RPS6KC1: variants seen among roughly 807,000 people sequenced by gnomAD.
The protein encoded by RPS6KC1 is ribosomal protein S6 kinase C1.
Under a neutral mutation model 103.8 loss-of-function variants are expected in RPS6KC1, and 54 were observed. That is an observed-to-expected ratio of 0.52 (90% confidence interval 0.42 to 0.65). The LOEUF is 0.65. Among genes scored for constraint, RPS6KC1 ranks in the 30% least tolerant of loss-of-function variants. The pLI is 0.00. For synonymous variants in RPS6KC1, 439 were observed against 438.7 expected, an observed-to-expected ratio of 1.00 and a Z score of -0.01; for missense variants, 1,151 against 1,253.8, an observed-to-expected ratio of 0.92 and a Z score of 1.24.
the RPS6KC1 span, among the ~76,000 whole-genome samples, chr1:213,403,660 G>T: frequency 5.4e-3 from 827 of 152,236 alleles, 16 homozygotes; most frequent in African/African-American, 0.018. Flanking sequence ...ATGTTCACGT[G>T]CTCCTCCCGT....
the RPS6KC1 span, among the ~76,000 whole-genome samples, chr1:213,830,101 G>A: frequency 1.7e-4 from 26 of 152,316 alleles, no homozygotes; most frequent in African/African-American, 5.3e-4. Flanking sequence ...GATGCAGGCC[G>A]TGAGGAAAAC....
At chr1:213,192,407 T>C (rs2148483273) in intron 8 of RPS6KC1, among the ~76,000 whole-genome samples, 1 of 152,346 alleles carries the variant, frequency 6.6e-6, no homozygotes, top group South Asian at 2.1e-4. Context: ...TAGACTGAGT[T>C]TGGAAGTATT....
At chr1:213,769,405 C>T in the RPS6KC1 span, among the ~76,000 whole-genome samples, 3 of 152,172 alleles carry the variant, frequency 2.0e-5, no homozygotes, top group East Asian at 5.8e-4. Flanking sequence ...TAAGGCTGCT[C>T]TGATGGTCCT....
chr1:213,206,550 A>G (rs1243187692), intron 8 of RPS6KC1, among the ~76,000 whole-genome samples: 7 of 152,232 alleles, frequency 4.6e-5, no homozygotes, highest in Non-Finnish European at 1.0e-4. Context: ...AGACAGAGCC[A>G]CTTAATGTCA....
intron 1 of RPS6KC1, among the ~76,000 whole-genome samples, chr1:213,054,242 A>G (rs1158770929): frequency 3.3e-5 from 5 of 152,212 alleles, no homozygotes; most frequent in African/African-American, 9.6e-5. Context: ...AACCACATTT[A>G]TATATATGCA....
the RPS6KC1 span, among the ~76,000 whole-genome samples, chr1:213,560,396 T>A: frequency 2.6e-5 from 4 of 152,308 alleles, no homozygotes; most frequent in East Asian, 7.7e-4. Flanking sequence ...AAAGAAGACA[T>A]GGCTTCTTTG....
chr1:213,056,930 A>G (rs2077378282), intron 1 of RPS6KC1, among the ~76,000 whole-genome samples: 2 of 146,758 alleles, frequency 1.4e-5, no homozygotes, highest in Admixed American at 1.4e-4. Flanking sequence ...CTTGTTTGAC[A>G]CCTCTTCTGA....
At chr1:213,313,804 T>C in the RPS6KC1 span, among the ~76,000 whole-genome samples, 1 of 152,010 alleles carries the variant, frequency 6.6e-6, no homozygotes, top group Non-Finnish European at 1.5e-5. Flanking sequence ...TACAAAAAAA[T>C]TAGCCGGGTG....
the RPS6KC1 span, among the ~76,000 whole-genome samples, chr1:213,770,953 C>T: frequency 6.6e-6 from 1 of 152,156 alleles, no homozygotes; most frequent in Non-Finnish European, 1.5e-5. Context: ...AGTAACAATC[C>T]TAATGGACAC....
the RPS6KC1 span, among the ~76,000 whole-genome samples, chr1:213,477,561 T>C: frequency 6.6e-6 from 1 of 152,216 alleles, no homozygotes; most frequent in African/African-American, 2.4e-5. Flanking sequence ...TTTTTAAAAT[T>C]TGTAGTTACT....
the RPS6KC1 span, among the ~76,000 whole-genome samples, chr1:213,587,220 A>G: frequency 2.6e-5 from 4 of 152,146 alleles, no homozygotes; most frequent in African/African-American, 4.8e-5. Flanking sequence ...TCCACTATTT[A>G]TTGAGTGCTA....
the RPS6KC1 span, among the ~76,000 whole-genome samples, chr1:213,555,399 T>C: frequency 1.3e-5 from 2 of 152,240 alleles, no homozygotes; most frequent in African/African-American, 2.4e-5. Flanking sequence ...CCTGCCATTT[T>C]ATGCACTTTG....
chr1:213,173,490 A>G (rs905979226), intron 7 of RPS6KC1, among the ~76,000 whole-genome samples: 1 of 152,212 alleles, frequency 6.6e-6, no homozygotes, highest in Non-Finnish European at 1.5e-5. Flanking sequence ...GCCTGTGAAA[A>G]CTGACCCTAA....
At chr1:213,079,062 G>A (rs2079617410) in intron 3 of RPS6KC1, among the ~76,000 whole-genome samples, 1 of 151,974 alleles carries the variant, frequency 6.6e-6, no homozygotes, top group South Asian at 2.1e-4. Context: ...TTATATAACA[G>A]TATATATATT....
At chr1:213,326,320 T>C in the RPS6KC1 span, among the ~76,000 whole-genome samples, 1 of 152,270 alleles carries the variant, frequency 6.6e-6, no homozygotes, top group Non-Finnish European at 1.5e-5. Flanking sequence ...CACTTTTTTC[T>C]ACATGCATTT....
At chr1:213,230,461 ATTG>A in intron 8 of RPS6KC1, 33 bp from the exon 9 acceptor site, 1 of 1,466,602 alleles carries the variant, frequency 6.8e-7, no homozygotes, top group East Asian at 2.3e-5. Flanking sequence ...GTTTCATTGT[ATTG>A]TTAATAAATT....
At chr1:213,192,346 TC>T (rs1284445817) in intron 8 of RPS6KC1, among the ~76,000 whole-genome samples, 5 of 152,224 alleles carry the variant, frequency 3.3e-5, no homozygotes, top group African/African-American at 1.2e-4. Context: ...TCTATGGTTT[TC>T]TTTTTTTTGA....
chr1:213,540,469 G>A, the RPS6KC1 span, among the ~76,000 whole-genome samples: 522 of 152,130 alleles, frequency 3.4e-3, 4 homozygotes, highest in African/African-American at 8.0e-3. Context: ...TCAGCCTCCC[G>A]AGTAGCTGGG....
chr1:213,188,364 C>T (rs2092617819), intron 8 of RPS6KC1, among the ~76,000 whole-genome samples: 1 of 151,856 alleles, frequency 6.6e-6, no homozygotes, highest in South Asian at 2.1e-4. Flanking sequence ...GGAGGGGTGT[C>T]ACAGATGTGG....
Sources: gnomAD v4.1 joint callset for allele counts (sites outside exome capture counted in the v4.1 genomes callset) on GRCh38, gnomAD v4.1.1 for gene constraint, MANE v1.5 for transcripts, NCBI Gene and HGNC (gene_info 2026-07-23, HGNC 2026-07-21) for gene names.